The following PAGE2B variants were observed in gnomAD, a reference collection of about 807,000 sequenced individuals.
PAGE2B encodes the protein putative G antigen family E member 3.
In PAGE2B, 5 loss-of-function variants were observed where a neutral mutation model predicts 7.6. The observed-to-expected ratio is 0.66, with a 90% CI of 0.34 to 1.38. The LOEUF (loss-of-function observed/expected upper bound fraction) is 1.38, where lower values mean the gene tolerates loss of function less well. Ranked by LOEUF, PAGE2B falls within the 40% of genes most tolerant of loss-of-function variation. The pLI, the probability that PAGE2B is intolerant of heterozygous loss-of-function variation, is 0.04. For synonymous variants in PAGE2B, 29 were observed against 26.7 expected (o/e 1.09, Z -0.27); for missense variants, 70 against 78.4 (o/e 0.89, Z 0.41).
At chrX:55,053,989 G>A in the PAGE2B span, among the ~76,000 whole-genome samples, 6 of 111,921 alleles carry the variant, frequency 5.4e-5, no homozygotes, top group African/African-American at 1.9e-4. Flanking sequence ...GCCAAGGCAG[G>A]TGGATCACAA....
chrX:55,056,942 TCA>T, the PAGE2B span, among the ~76,000 whole-genome samples: 1 of 111,808 alleles, frequency 8.9e-6, no homozygotes, highest in East Asian at 2.8e-4. Flanking sequence ...CCGAAGATTC[TCA>T]GTCTCTGGAT....
chrX:55,040,774 A>T, the PAGE2B span, among the ~76,000 whole-genome samples: 2 of 111,702 alleles, frequency 1.8e-5, no homozygotes, highest in Non-Finnish European at 3.8e-5. Context: ...TAACCACTCA[A>T]CTAACTATAT....
the PAGE2B span, among the ~76,000 whole-genome samples, chrX:55,037,237 C>T: frequency 8.9e-6 from 1 of 111,772 alleles, no homozygotes; most frequent in African/African-American, 3.3e-5. Flanking sequence ...AAAAAGTGGG[C>T]AAAGGATATG....
In PAGE2B at chrX:55,076,670, C is replaced by G. The variant is rs2498449; in HGVS notation, c.186C>G (p.Ala62=). Residue 62 remains alanine (A), a synonymous_variant, in exon 3 of 5, where the codon GCC becomes GCG. Coordinates refer to ENST00000374971, the MANE Select transcript of PAGE2B (RefSeq NM_001015038.3). The part of the protein sequence containing the change: ...SGEIENEGAP[A]VQGPDMEAFQ... ...AGATCGAAAATGAAGGAGCACCTGCCGTTCAAGGTGAAGGGAGAGTGGAGA... is the reference window on the plus strand; with the variant it reads ...AGATCGAAAATGAAGGAGCACCTGCGGTTCAAGGTGAAGGGAGAGTGGAGA... 2 of 1,203,855 alleles carry G rather than the reference C, an allele frequency of 1.7e-6. No homozygotes were observed. The highest frequency in any genetic ancestry group is 1.8e-5 in the South Asian group (1 of 55,522).
At chrX:55,062,568 T>C in the PAGE2B span, among the ~76,000 whole-genome samples, 3 of 111,762 alleles carry the variant, frequency 2.7e-5, no homozygotes, top group Non-Finnish European at 3.8e-5. Context: ...ACTTTGTTGA[T>C]TGTTTCCTTT....
chrX:55,047,071 C>G, the PAGE2B span, among the ~76,000 whole-genome samples: 1 of 110,131 alleles, frequency 9.1e-6, no homozygotes, highest in Non-Finnish European at 1.9e-5. Context: ...AATGCTACAC[C>G]TCCCCCCTCC....
At chrX:55,051,702 C>G in the PAGE2B span, among the ~76,000 whole-genome samples, 1 of 111,285 alleles carries the variant, frequency 9.0e-6, no homozygotes, top group Admixed American at 9.6e-5. Context: ...TTCTAGTTAT[C>G]CAGTCGTCTA....
chrX:55,040,213 T>A, the PAGE2B span, among the ~76,000 whole-genome samples: 1 of 110,633 alleles, frequency 9.0e-6, no homozygotes, highest in Non-Finnish European at 1.9e-5. Context: ...TACATATGTA[T>A]ACATGTGCCA....
upstream of PAGE2B, among the ~76,000 whole-genome samples, chrX:55,070,803 C>T (rs1026721016): frequency 9.0e-6 from 1 of 111,691 alleles, no homozygotes; most frequent in East Asian, 2.8e-4. Flanking sequence ...TTCTTTGTCT[C>T]TTTTGATCTT....
chrX:55,037,837 T>A, the PAGE2B span, among the ~76,000 whole-genome samples: 101 of 90,875 alleles, frequency 1.1e-3, no homozygotes, highest in Non-Finnish European at 1.9e-3. Flanking sequence ...CACTCATAGG[T>A]GGGAATTGAA....
the PAGE2B span, among the ~76,000 whole-genome samples, chrX:55,053,551 A>G: frequency 8.9e-6 from 1 of 112,112 alleles, no homozygotes; most frequent in African/African-American, 3.2e-5. Flanking sequence ...CTCTATTGAA[A>G]TGTAGCACAT....
chrX:55,031,194 C>G, the PAGE2B span: 1 of 179,202 alleles, frequency 5.6e-6, no homozygotes, highest in Non-Finnish European at 1.1e-5. Context: ...GTAAAATTAG[C>G]TCATTTGGGC....
the PAGE2B span, among the ~76,000 whole-genome samples, chrX:55,037,798 A>G: frequency 9.4e-6 from 1 of 106,375 alleles, no homozygotes; most frequent in Non-Finnish European, 1.9e-5. Context: ...AACTATCACA[A>G]GGACAAAAAA....
chrX:55,072,416 TC>T (rs1178117294), upstream of PAGE2B, among the ~76,000 whole-genome samples: 3 of 112,659 alleles, frequency 2.7e-5, no homozygotes, highest in Non-Finnish European at 5.6e-5. Context: ...TCCTGCTTCT[TC>T]CTCTGGAAGC....
At chrX:55,048,984 A>G in the PAGE2B span, among the ~76,000 whole-genome samples, 2 of 112,006 alleles carry the variant, frequency 1.8e-5, no homozygotes, top group African/African-American at 3.2e-5. Flanking sequence ...AGTCCCATCA[A>G]TACCTAATTT....
At chrX:55,048,950 G>A in the PAGE2B span, among the ~76,000 whole-genome samples, 2 of 111,697 alleles carry the variant, frequency 1.8e-5, no homozygotes, top group East Asian at 2.8e-4. Context: ...GTTTGTCATA[G>A]ATAGCTCTTA....
At chrX:55,072,954 C>G (rs1936464401), upstream of PAGE2B, among the ~76,000 whole-genome samples, 1 of 111,563 alleles carries the variant, frequency 9.0e-6, no homozygotes, top group Non-Finnish European at 1.9e-5. Flanking sequence ...CATCAGACTG[C>G]TGGGCTGGCA....
chrX:55,071,076 A>G (rs995240156), upstream of PAGE2B, among the ~76,000 whole-genome samples: 1 of 111,753 alleles, frequency 8.9e-6, no homozygotes, highest in Non-Finnish European at 1.9e-5. Flanking sequence ...TCCTGCCATT[A>G]TTATGCTAGC....
the PAGE2B span, among the ~76,000 whole-genome samples, chrX:55,036,155 T>C: frequency 1.8e-5 from 2 of 112,245 alleles, no homozygotes; most frequent in African/African-American, 3.2e-5. Context: ...GCTTTTGTAT[T>C]CTGAGACTTT....
Sources: gnomAD v4.1 joint callset for allele counts (sites outside exome capture counted in the v4.1 genomes callset) on GRCh38, gnomAD v4.1.1 for gene constraint, MANE v1.5 for transcripts, NCBI Gene and HGNC (gene_info 2026-07-23, HGNC 2026-07-21) for gene names.